PRELID2: variants seen among roughly 807,000 people sequenced by gnomAD.
The protein encoded by PRELID2 is PRELI domain containing 2.
In PRELID2, 25 loss-of-function variants were observed where a neutral mutation model predicts 28.4. That is an observed-to-expected ratio of 0.88 (90% CI 0.64 to 1.23). PRELID2 has a LOEUF of 1.23. PRELID2 is among the 50% of genes most tolerant of loss of function. The pLI is 0.00. For synonymous variants in PRELID2, 76 were observed against 71.6 expected, an observed-to-expected ratio of 1.06 and a Z score of -0.31; for missense variants, 201 against 214.4, an observed-to-expected ratio of 0.94 and a Z score of 0.39.
rs778494158 is a variant in PRELID2 at position 145,796,537 on chromosome 5, T to A, written c.379A>T (p.Ile127Phe). The part of the protein sequence containing the change: ...SMENPNWTEF[I>F]QRGRISITGV... ...GTGATTGAAATCCTGCCTCTTTGAA[T>A]GAACTCTGTCCTGCAAAAAAAACAA... The change falls in exon 5 of 7, where the codon ATT (isoleucine) becomes TTT (phenylalanine). Residue 127 changes from isoleucine (I) to phenylalanine (F), a missense_variant. Transcript: ENST00000683046. The A allele has an allele frequency of 2.5e-6, 4 of 1,605,370 alleles. No individual in the cohort carries two copies. Among genetic ancestry groups the A allele is most frequent in the African/African-American group, 2.7e-5 (2 of 74,534 alleles).
chr5:145,523,563 T>C (rs1341985883), intron 1 of PRELID2, among the ~76,000 whole-genome samples: 1 of 152,166 alleles, frequency 6.6e-6, no homozygotes, highest in Non-Finnish European at 1.5e-5. Flanking sequence ...GGTCTCTTCT[T>C]AGCTGGTAGG....
At chr5:145,244,490 C>T in the PRELID2 span, among the ~76,000 whole-genome samples, 1 of 151,958 alleles carries the variant, frequency 6.6e-6, no homozygotes, top group Non-Finnish European at 1.5e-5. Flanking sequence ...GTGACACAGC[C>T]TTGGGGGAAT....
chr5:145,232,831 T>C, the PRELID2 span, among the ~76,000 whole-genome samples: 1 of 151,994 alleles, frequency 6.6e-6, no homozygotes, highest in African/African-American at 2.4e-5. Flanking sequence ...TCCTAAACAT[T>C]CATGAGTATA....
intron 1 of PRELID2, among the ~76,000 whole-genome samples, chr5:145,507,325 T>C (rs1752420464): frequency 6.6e-6 from 1 of 152,134 alleles, no homozygotes; most frequent in African/African-American, 2.4e-5. Context: ...GCCTTAGTAT[T>C]ATTATCTATA....
At chr5:145,337,733 TCACACACACA>T in the PRELID2 span, among the ~76,000 whole-genome samples, 1 of 96,070 alleles carries the variant, frequency 1.0e-5, no homozygotes. Context: ...ATATATATAC[TCACACACACA>T]CACACACACA....
intron 1 of PRELID2, among the ~76,000 whole-genome samples, chr5:145,491,705 C>G (rs1251918533): frequency 6.6e-6 from 1 of 151,878 alleles, no homozygotes; most frequent in East Asian, 1.9e-4. Context: ...CTGTAACCCC[C>G]CCAGTACCCC....
the PRELID2 span, among the ~76,000 whole-genome samples, chr5:145,375,771 G>T: frequency 6.6e-6 from 1 of 152,204 alleles, no homozygotes; most frequent in South Asian, 2.1e-4. Flanking sequence ...GCCACAGCTG[G>T]TTTGGTGGGC....
chr5:145,290,646 T>C, the PRELID2 span, among the ~76,000 whole-genome samples: 2 of 151,914 alleles, frequency 1.3e-5, no homozygotes, highest in South Asian at 2.1e-4. Flanking sequence ...AAATACCTAA[T>C]GTAAATGATG....
the PRELID2 span, among the ~76,000 whole-genome samples, chr5:145,319,714 A>AATAC: frequency 9.3e-4 from 139 of 150,246 alleles, 1 homozygote; most frequent in African/African-American, 3.1e-3. Flanking sequence ...TAAATAAATA[A>AATAC]ATAAATAAAT....
chr5:145,336,942 T>TCA, the PRELID2 span, among the ~76,000 whole-genome samples: 10 of 119,982 alleles, frequency 8.3e-5, no homozygotes, highest in African/African-American at 3.3e-4. Context: ...AAGGGGAACA[T>TCA]CACACTCTGG....
chr5:145,832,876 G>C (rs1755695032), intron 1 of PRELID2, among the ~76,000 whole-genome samples: 1 of 152,068 alleles, frequency 6.6e-6, no homozygotes, highest in Admixed American at 6.6e-5. Context: ...ACTTCTTCAG[G>C]AAAGCCTTTC....
intron 1 of PRELID2, among the ~76,000 whole-genome samples, chr5:145,519,178 T>A (rs1752543668): frequency 1.3e-5 from 2 of 152,202 alleles, no homozygotes; most frequent in Admixed American, 1.3e-4. Flanking sequence ...CTGACTTCTT[T>A]TATAATTCAC....
At chr5:145,382,316 A>T in the PRELID2 span, among the ~76,000 whole-genome samples, 1 of 152,046 alleles carries the variant, frequency 6.6e-6, no homozygotes, top group Non-Finnish European at 1.5e-5. Context: ...GTTCCAAAAA[A>T]ATAAAAGTGA....
chr5:145,464,970 CA>C, the PRELID2 span, among the ~76,000 whole-genome samples: 1 of 152,034 alleles, frequency 6.6e-6, no homozygotes, highest in African/African-American at 2.4e-5. Context: ...AAATTCTGCC[CA>C]AAATCCTCTT....
At chr5:145,481,346 C>T (rs1176688224) in intron 1 of PRELID2, among the ~76,000 whole-genome samples, 1 of 151,926 alleles carries the variant, frequency 6.6e-6, no homozygotes, top group Non-Finnish European at 1.5e-5. Context: ...TTAAAACCTA[C>T]TTTCAATCCT....
At chr5:145,510,531 T>C (rs1752452249) in intron 1 of PRELID2, among the ~76,000 whole-genome samples, 1 of 152,216 alleles carries the variant, frequency 6.6e-6, no homozygotes, top group African/African-American at 2.4e-5. Flanking sequence ...GGCCACATGC[T>C]TGATTGATTT....
At chr5:145,307,058 C>G in the PRELID2 span, among the ~76,000 whole-genome samples, 5 of 152,120 alleles carry the variant, frequency 3.3e-5, no homozygotes, top group Non-Finnish European at 7.4e-5. Flanking sequence ...CACAATGGAC[C>G]TGGTCAAAAA....
chr5:145,430,309 T>C, the PRELID2 span, among the ~76,000 whole-genome samples: 7 of 152,236 alleles, frequency 4.6e-5, no homozygotes, highest in Admixed American at 4.6e-4. Flanking sequence ...AGGTTAAAAC[T>C]ATGCTGCTGT....
At chr5:145,313,966 C>T in the PRELID2 span, among the ~76,000 whole-genome samples, 4 of 152,098 alleles carry the variant, frequency 2.6e-5, no homozygotes, top group African/African-American at 4.8e-5. Context: ...TTCTGATGGC[C>T]GTTTCAAAGT....
Sources: gnomAD v4.1 joint callset for allele counts (sites outside exome capture counted in the v4.1 genomes callset) on GRCh38, gnomAD v4.1.1 for gene constraint, MANE v1.5 for transcripts, NCBI Gene and HGNC (gene_info 2026-07-23, HGNC 2026-07-21) for gene names.